NEK11: variants seen among roughly 807,000 people sequenced by gnomAD.
NEK11 encodes serine/threonine-protein kinase Nek11.
NEK11 carries 72 observed loss-of-function variants against 80.7 expected under a neutral mutation model. The ratio of observed to expected loss-of-function variants is 0.89; its 90% confidence interval spans 0.74 to 1.08. The LOEUF is 1.08. Ranked by LOEUF, NEK11 falls within the 50% of genes least tolerant of loss-of-function variation. NEK11 has a pLI of 0.00. For missense variants in NEK11, 764 were observed against 763.6 expected (o/e 1.00, Z -0.01); for synonymous variants, 251 against 260.7 (o/e 0.96, Z 0.36).
At chr3:131,159,040 A>G (rs1018682696) in intron 10 of NEK11, among the ~76,000 whole-genome samples, 9 of 152,236 alleles carry the variant, frequency 5.9e-5, no homozygotes, top group African/African-American at 2.2e-4. Flanking sequence ...CTGGCTGCCT[A>G]AAATTTTCCA....
intron 15 of NEK11, among the ~76,000 whole-genome samples, chr3:131,235,346 G>C (rs1219706307): frequency 2.6e-5 from 4 of 152,168 alleles, no homozygotes; most frequent in Non-Finnish European, 5.9e-5. Context: ...GAGGTGCCCT[G>C]ACCATATGGT....
chr3:131,244,629 A>G (rs1215879271), intron 16 of NEK11, among the ~76,000 whole-genome samples: 2 of 152,066 alleles, frequency 1.3e-5, no homozygotes, highest in Non-Finnish European at 2.9e-5. Flanking sequence ...AAAATATTTT[A>G]AAATATTTGT....
chr3:131,298,139 T>C (rs1156423961), intron 17 of NEK11, among the ~76,000 whole-genome samples: 2 of 152,072 alleles, frequency 1.3e-5, no homozygotes, highest in Non-Finnish European at 2.9e-5. Context: ...ATTGACTTGG[T>C]GATGCGGGCT....
chr3:131,098,577 C>CTTTTT (rs755143299), intron 4 of NEK11, among the ~76,000 whole-genome samples: 1 of 137,028 alleles, frequency 7.3e-6, no homozygotes, highest in African/African-American at 2.7e-5. Flanking sequence ...CCTTTGCCCA[C>CTTTTT]TTTTTTTTTT....
At chr3:131,228,351 T>G (rs922116039) in intron 14 of NEK11, among the ~76,000 whole-genome samples, 177 bp from the exon 15 acceptor site, 2 of 152,240 alleles carry the variant, frequency 1.3e-5, no homozygotes, top group Non-Finnish European at 2.9e-5. Flanking sequence ...GGTTTTATTT[T>G]GCTGAGTGTT....
chr3:131,180,718 A>T lies in NEK11; in HGVS notation c.1399+9831A>T, dbSNP rs114127120. Reference sequence around the variant, plus strand: ...ACCATCAATTTTGAGATGAATCATTATATTATATATCATTAATAAAACTAC... The same window carrying T: ...ACCATCAATTTTGAGATGAATCATTTTATTATATATCATTAATAAAACTAC... On this transcript the variant is annotated intron_variant, in intron 14 of 17. Coordinates refer to ENST00000383366, the MANE Select transcript of NEK11 (RefSeq NM_024800.5). Among the ~76,000 whole-genome samples, 749 of 152,340 alleles carry T rather than the reference A, an allele frequency of 4.9e-3. 11 individuals are homozygous for T. Among genetic ancestry groups the T allele is most frequent in the African/African-American group, 0.017 (713 of 41,584 alleles).
chr3:131,338,269 T>G (rs1191899399), intron 17 of NEK11, among the ~76,000 whole-genome samples: 5 of 145,720 alleles, frequency 3.4e-5, no homozygotes, highest in Admixed American at 2.7e-4. Context: ...CCAGCTGGTT[T>G]TTTTTTTTTT....
intron 3 of NEK11, among the ~76,000 whole-genome samples, chr3:131,040,052 T>G (rs1398237156): frequency 6.6e-6 from 1 of 152,172 alleles, no homozygotes; most frequent in Admixed American, 6.5e-5. Context: ...TTCCACTAAT[T>G]GTGCATTGTA....
chr3:131,217,132 ACT>A (rs2094867053), intron 14 of NEK11, among the ~76,000 whole-genome samples: 1 of 152,190 alleles, frequency 6.6e-6, no homozygotes. Context: ...TCACTGCATA[ACT>A]CTGATAAACT....
chr3:131,222,662 T>C (rs189468873), intron 14 of NEK11, among the ~76,000 whole-genome samples: 10 of 152,346 alleles, frequency 6.6e-5, no homozygotes. Flanking sequence ...TTTATTATAG[T>C]GTATACTCTT....
At chr3:131,195,800 A>ATATATATATT in intron 14 of NEK11, among the ~76,000 whole-genome samples, 1 of 143,828 alleles carries the variant, frequency 7.0e-6, no homozygotes, top group South Asian at 2.2e-4. Context: ...CAGAATATAT[A>ATATATATATT]TATATATATA....
At chr3:131,145,144 C>A (rs189151170) in intron 7 of NEK11, among the ~76,000 whole-genome samples, 1 of 152,152 alleles carries the variant, frequency 6.6e-6, no homozygotes, top group East Asian at 1.9e-4. Context: ...GCTAGGAATA[C>A]AGGTGTGGGC....
chr3:131,314,680 C>A (rs574083686), intron 17 of NEK11, among the ~76,000 whole-genome samples: 1 of 152,288 alleles, frequency 6.6e-6, no homozygotes, highest in African/African-American at 2.4e-5. Flanking sequence ...CCACCACACA[C>A]CAAAAACATT....
intron 5 of NEK11, 127 bp downstream of exon 5, chr3:131,110,048 T>A (rs2079842925): frequency 3.3e-6 from 3 of 905,532 alleles, no homozygotes; most frequent in African/African-American, 1.7e-5. Context: ...AAATTAAACA[T>A]CTATAATATG....
intron 2 of NEK11, among the ~76,000 whole-genome samples, chr3:131,028,396 C>T (rs2064221446): frequency 6.6e-6 from 1 of 152,144 alleles, no homozygotes; most frequent in South Asian, 2.1e-4. Flanking sequence ...AACCTAACTT[C>T]AAGGTGTAGG....
intron 4 of NEK11, among the ~76,000 whole-genome samples, chr3:131,094,476 C>T (rs1313177581): frequency 6.6e-6 from 1 of 152,112 alleles, no homozygotes; most frequent in Non-Finnish European, 1.5e-5. Context: ...ATCAGTAATA[C>T]CTTTGAACAA....
intron 17 of NEK11, among the ~76,000 whole-genome samples, chr3:131,319,686 A>T (rs2096878302): frequency 6.6e-6 from 1 of 152,140 alleles, no homozygotes; most frequent in African/African-American, 2.4e-5. Flanking sequence ...TTTTGGTGTC[A>T]AAGTCTAGCA....
At chr3:131,045,006 C>T (rs2067171295) in intron 3 of NEK11, among the ~76,000 whole-genome samples, 1 of 152,126 alleles carries the variant, frequency 6.6e-6, no homozygotes, top group African/African-American at 2.4e-5. Context: ...ACTGAACAAC[C>T]TGCTCCTGAA....
chr3:131,324,083 C>T (rs2096929131), intron 17 of NEK11, among the ~76,000 whole-genome samples: 1 of 152,202 alleles, frequency 6.6e-6, no homozygotes, highest in South Asian at 2.1e-4. Context: ...TTCAAGACTA[C>T]TGCAGCAGGG....
Sources: gnomAD v4.1 joint callset for allele counts (sites outside exome capture counted in the v4.1 genomes callset) on GRCh38, gnomAD v4.1.1 for gene constraint, MANE v1.5 for transcripts, NCBI Gene and HGNC (gene_info 2026-07-23, HGNC 2026-07-21) for gene names.